ANKRD11: variants seen among roughly 807,000 people sequenced by gnomAD.
ANKRD11 encodes the protein ankyrin repeat domain-containing protein 11.
In ANKRD11, 17 loss-of-function variants were observed where a neutral mutation model predicts 195.7. The ratio of observed to expected loss-of-function variants is 0.09; its 90% CI spans 0.06 to 0.13. The LOEUF is 0.13. Ranked by LOEUF, ANKRD11 falls within the 10% of genes least tolerant of loss-of-function variation. ANKRD11 has a pLI of 1.00. For synonymous variants in ANKRD11, 1,953 were observed against 1,528.1 expected (o/e 1.28, Z -6.49); for missense variants, 3,735 against 3,566.1 (o/e 1.05, Z -1.21).
At chr16:89,477,573 T>G (rs2057301053) in intron 1 of ANKRD11, among the ~76,000 whole-genome samples, 1 of 150,338 alleles carries the variant, frequency 6.7e-6, no homozygotes, top group Non-Finnish European at 1.5e-5. Flanking sequence ...CCCAGGCTGG[T>G]CGCGAACTCC....
At chr16:89,437,429 C>T (rs1404307225) in intron 1 of ANKRD11, among the ~76,000 whole-genome samples, 3 of 152,084 alleles carry the variant, frequency 2.0e-5, no homozygotes, top group African/African-American at 7.2e-5. Flanking sequence ...TCCTCCACAC[C>T]CCTACTTCCT....
At chr16:89,408,750 C>A (rs1187269236) in intron 2 of ANKRD11, among the ~76,000 whole-genome samples, 1 of 152,164 alleles carries the variant, frequency 6.6e-6, no homozygotes, top group Non-Finnish European at 1.5e-5. Flanking sequence ...ACTGATCAGC[C>A]GTGGAATCCT....
Position 89,291,090 on chromosome 16 carries a change from G to C in ANKRD11, c.320C>G (p.Ala107Gly). The change falls in exon 5 of 13, where the codon GCC becomes GGC. Residue 107 changes from alanine (A) to glycine (G), a missense_variant. By Grantham distance (60) the Ala-to-Gly change is moderately conservative. Coordinates refer to ENST00000301030, the MANE Select transcript of ANKRD11 (RefSeq NM_013275.6). The surrounding 1 kb of genome is among the most constrained non-coding windows in gnomAD (Gnocchi z 5.3). ...CTGGCGCTCGGAGAGGGGGTAGCCGGCTCGGATTCCAGACAGCCCCATGCC... is the reference window on the plus strand; with the variant it reads ...CTGGCGCTCGGAGAGGGGGTAGCCGCCTCGGATTCCAGACAGCCCCATGCC... ...LFGMGLSGIR[A>G]GYPLSERQQV... 1 of 1,613,686 alleles carries C rather than the reference G, an allele frequency of 6.2e-7. No individual in the cohort carries two copies. Among genetic ancestry groups the C allele is most frequent in the Non-Finnish European group, 8.5e-7 (1 of 1,179,926 alleles).
At chr16:89,304,999 G>C (rs3114913) in intron 4 of ANKRD11, 1 of 702,190 alleles carries the variant, frequency 1.4e-6, no homozygotes. Context: ...CTCTCCAATC[G>C]GCCCCATGGG....
intron 2 of ANKRD11, among the ~76,000 whole-genome samples, chr16:89,381,339 A>T (rs2040641260): frequency 7.3e-6 from 1 of 137,256 alleles, no homozygotes; most frequent in African/African-American, 2.6e-5. Flanking sequence ...TGCAAAAAAA[A>T]AAAAAAAAAA....
At chr16:89,337,116 G>A (rs533219327) in intron 2 of ANKRD11, among the ~76,000 whole-genome samples, 39 of 151,656 alleles carry the variant, frequency 2.6e-4, no homozygotes, top group South Asian at 8.3e-4. Flanking sequence ...AACCTGGCAG[G>A]CACAGGCTGC....
intron 2 of ANKRD11, among the ~76,000 whole-genome samples, chr16:89,339,547 C>G (rs1165022180): frequency 6.6e-6 from 1 of 152,048 alleles, no homozygotes; most frequent in African/African-American, 2.4e-5. Flanking sequence ...TTAGACGAAC[C>G]CTCAATTTAT....
At chr16:89,316,200 CAG>C (rs3039875) in intron 3 of ANKRD11, among the ~76,000 whole-genome samples, 7,615 of 152,238 alleles carry the variant, frequency 0.05, 258 homozygotes, top group Non-Finnish European at 0.078. Context: ...GTGCCTGCTG[CAG>C]AGACAGGAAG....
At chr16:89,398,734 A>G (rs2041571231) in intron 2 of ANKRD11, among the ~76,000 whole-genome samples, 1 of 151,710 alleles carries the variant, frequency 6.6e-6, no homozygotes, top group African/African-American at 2.4e-5. Context: ...ACAGAGAGAG[A>G]TTGTGTGTCC....
chr16:89,452,464 T>A (rs1247219324), intron 1 of ANKRD11, among the ~76,000 whole-genome samples: 1 of 151,964 alleles, frequency 6.6e-6, no homozygotes. Context: ...ACCTTTCTGT[T>A]AGAAACCACA....
rs144050435 is a variant in ANKRD11 at position 89,370,608 on chromosome 16, G to A, written c.-60+47676C>T. 9.5e-3 allele frequency: 1,443 copies of A among 152,632 alleles called. 44 individuals are homozygous for A. Among genetic ancestry groups the A allele is most frequent in the Admixed American group, 0.045 (694 of 15,304 alleles). 9.5% of individuals were successfully genotyped at this position (152,632 alleles called of 1,614,324 possible). On this transcript the variant is annotated intron_variant, in intron 2 of 12. Coordinates refer to ENST00000301030, the MANE Select transcript of ANKRD11 (RefSeq NM_013275.6). ...CAGCTCAGCGTCACCGCACACATTT[G>A]ACAAATGACCGACTGAAGCCTAGGA...
At chr16:89,449,105 T>G (rs967163708) in intron 1 of ANKRD11, among the ~76,000 whole-genome samples, 13 of 150,764 alleles carry the variant, frequency 8.6e-5, no homozygotes, top group East Asian at 5.9e-4. Context: ...AATCCCAGCA[T>G]GTTGGGAGGC....
chr16:89,366,752 A>G (rs2039966810), intron 2 of ANKRD11, among the ~76,000 whole-genome samples: 1 of 152,180 alleles, frequency 6.6e-6, no homozygotes, highest in Admixed American at 6.5e-5. Context: ...GCTCTCTTGA[A>G]TGTGTGCTAT....
At chr16:89,481,992 GATCTCTCTTTTC>G (rs2152374899) in intron 1 of ANKRD11, among the ~76,000 whole-genome samples, 1 of 151,386 alleles carries the variant, frequency 6.6e-6, no homozygotes, top group African/African-American at 2.4e-5. Context: ...TCTGATCTAT[GATCTCTCTTTTC>G]ATAAGAACCA....
At chr16:89,486,284 A>G (rs550036177) in intron 1 of ANKRD11, among the ~76,000 whole-genome samples, 6 of 152,206 alleles carry the variant, frequency 3.9e-5, no homozygotes, top group African/African-American at 4.8e-5. Flanking sequence ...TACAAAAAGT[A>G]AAATAAATTA....
intron 1 of ANKRD11, among the ~76,000 whole-genome samples, chr16:89,489,901 G>A (rs1263046115): frequency 7.4e-6 from 1 of 135,006 alleles, no homozygotes; most frequent in Non-Finnish European, 1.6e-5. Flanking sequence ...GGCCACCCAG[G>A]CCCGCCCGGA....
At chr16:89,397,335 G>GT (rs1597276516) in intron 2 of ANKRD11, among the ~76,000 whole-genome samples, 4 of 152,318 alleles carry the variant, frequency 2.6e-5, no homozygotes, top group Admixed American at 2.6e-4. Context: ...GGATTCCACC[G>GT]TAAGTGCTGT....
At chr16:89,304,034 C>G (rs2036007605) in intron 4 of ANKRD11, among the ~76,000 whole-genome samples, 2 of 152,216 alleles carry the variant, frequency 1.3e-5, no homozygotes, top group South Asian at 4.1e-4. Flanking sequence ...GGCTTTGTGG[C>G]CAGCTTAGTG....
chr16:89,379,364 G>C (rs1410831488), intron 2 of ANKRD11, among the ~76,000 whole-genome samples: 1 of 152,208 alleles, frequency 6.6e-6, no homozygotes, highest in African/African-American at 2.4e-5. Context: ...TGTTACCAGT[G>C]AACGGGGCTT....
Sources: gnomAD v4.1 joint callset for allele counts (sites outside exome capture counted in the v4.1 genomes callset) on GRCh38, gnomAD v4.1.1 for gene constraint, Gnocchi (gnomAD v3.1) non-coding constraint, MANE v1.5 for transcripts, NCBI Gene and HGNC (gene_info 2026-07-23, HGNC 2026-07-21) for gene names.